The following BCL3 variants were observed in gnomAD, a reference collection of about 807,000 sequenced individuals.
BCL3 encodes the protein B-cell lymphoma 3 protein.
In BCL3, 15 loss-of-function variants were observed where a neutral mutation model predicts 35.7. The observed-to-expected ratio is 0.42, with a 90% CI of 0.28 to 0.65. BCL3 has a LOEUF of 0.65. Among genes scored for constraint, BCL3 ranks in the 30% least tolerant of loss-of-function variants. The pLI, the probability that BCL3 is intolerant of heterozygous loss-of-function variation, is 0.22. For synonymous variants in BCL3, 311 were observed against 284.3 expected (o/e 1.09, Z -0.95); for missense variants, 565 against 641.7 (o/e 0.88, Z 1.29).
chr19:44,759,928 A>T lies in BCL3; in HGVS notation c.*313A>T. 1 of 329,230 alleles carries T rather than the reference A, an allele frequency of 3.0e-6. No individual in the cohort carries two copies. Among genetic ancestry groups the T allele is most frequent in the Non-Finnish European group, 5.5e-6 (1 of 182,024 alleles). The allele number at this position is 329,230 out of a possible 1,614,324, so 20.4% of individuals were successfully genotyped here. A position where few individuals can be genotyped will look rare whatever the true frequency, so the allele number is the denominator to read the frequency against. Reference sequence around the variant, plus strand: ...ACCCAGGGAACAGCCACTCCCCTCCACTCTCTACCAGATAACTGAGGAGGG... The same window carrying T: ...ACCCAGGGAACAGCCACTCCCCTCCTCTCTCTACCAGATAACTGAGGAGGG... On this transcript the variant is annotated 3_prime_UTR_variant, in exon 9 of 9. Transcript: ENST00000164227.
intron 8 of BCL3, among the ~76,000 whole-genome samples, 188 bp downstream of exon 8, chr19:44,759,029 C>T (rs1406320289): frequency 3.1e-5 from 4 of 128,426 alleles, no homozygotes; most frequent in Admixed American, 7.5e-5. Flanking sequence ...GACCCCAGCC[C>T]CTCCTCCTTC....
chr19:44,749,927 C>G (rs1462906500), intron 1 of BCL3, among the ~76,000 whole-genome samples: 1 of 152,132 alleles, frequency 6.6e-6, no homozygotes, highest in Non-Finnish European at 1.5e-5. Context: ...CTTGGGAGTT[C>G]AAGAACAGAG....
intron 2 of BCL3, 36 bp from the exon 3 acceptor site, chr19:44,756,196 C>G: frequency 7.2e-7 from 1 of 1,383,602 alleles, no homozygotes; most frequent in South Asian, 1.7e-5. Context: ...TGAACAACCC[C>G]TAATGCCTGT....
In BCL3 at chr19:44,758,829, C is replaced by T; in HGVS notation, c.1165C>T (p.Leu389Phe). The T allele has an allele frequency of 6.3e-7, 1 of 1,598,980 alleles. No individual in the cohort carries two copies. Among genetic ancestry groups the T allele is most frequent in the Admixed American group, 1.7e-5 (1 of 57,474 alleles). The change falls in exon 8 of 9, where the codon CTC (leucine) becomes TTC (phenylalanine). Residue 389 changes from leucine to phenylalanine, a missense_variant. Coordinates refer to ENST00000164227, the MANE Select transcript of BCL3 (RefSeq NM_005178.5). ...ANTSPESSSR[L>F]SSNGLLSASP... is the part of the protein sequence containing the mutation. ...CACCTCCCCCGAGAGCAGCAGCCGC[C>T]TCAGCTCCAATGGTGAGAAACCGTT...
chr19:44,758,410 C>T lies in BCL3; in HGVS notation c.1056C>T (p.Arg352=), dbSNP rs760204437. ...CGCCGCTCATGGTGGCGCGCAGCCGCAGGGTGAGCCGGGGCAGCTGTGGAC... is the reference window on the plus strand; with the variant it reads ...CGCCGCTCATGGTGGCGCGCAGCCGTAGGGTGAGCCGGGGCAGCTGTGGAC... ...NDTPLMVARS[R]RVIDILRGKA... Residue 352 remains arginine (R), a synonymous_variant, in exon 7 of 9, where the codon CGC becomes CGT. Coordinates refer to ENST00000164227, the MANE Select transcript of BCL3 (RefSeq NM_005178.5). The T allele has an allele frequency of 1.3e-6, 2 of 1,543,046 alleles. No homozygotes were observed. The highest frequency in any genetic ancestry group is 2.7e-5 in the African/African-American group (2 of 72,876).
At chr19:44,748,592 C>A, upstream of BCL3, 2 of 514,216 alleles carry the variant, frequency 3.9e-6, no homozygotes, top group Non-Finnish European at 5.1e-6. Flanking sequence ...GCGGGAGCAG[C>A]GGCGGGTCCA....
rs1164033963 is a variant in BCL3 at position 44,757,392 on chromosome 19, C to G, written c.790C>G (p.Arg264Gly). ...CQETVQLLLERGADIDAVDIK... is the reference protein window; with the variant it reads ...CQETVQLLLEGGADIDAVDIK... ...AGAAACCGTGCAGCTCTTGCTAGAG[C>G]GCGGTGCCGACATCGACGCAGTGGT... The change falls in exon 5 of 9, where the codon CGC (arginine) becomes GGC (glycine). Residue 264 changes from arginine to glycine, a missense_variant. Physicochemically the swap from Arg to Gly is moderately radical, Grantham distance 125 (BLOSUM62 -2). Transcript: ENST00000164227. This position sits in a 1 kb window ranked among gnomAD's most constrained non-coding sequence, Gnocchi z 8.4. 6 of 1,600,226 alleles carry G rather than the reference C, an allele frequency of 3.7e-6. No individual in the cohort carries two copies. Among genetic ancestry groups the G allele is most frequent in the Non-Finnish European group, 4.3e-6 (5 of 1,173,518 alleles).
At position 44,749,045 on chromosome 19, in the gene BCL3, C is replaced by T; in HGVS notation, c.255C>T (p.Pro85=). 2 of 1,335,784 alleles carry T rather than the reference C, an allele frequency of 1.5e-6. No homozygotes were observed. Among genetic ancestry groups the T allele is most frequent in the South Asian group, 1.8e-5 (1 of 55,862 alleles). 82.7% of individuals were successfully genotyped at this position (1,335,784 alleles called of 1,614,324 possible). ...GLARPEALYY[P]GALLPLYPTR... ...CCCGGCCGGAGGCGCTTTACTACCC[C>T]GGTGAGTGGCCCCCGAGGGTCCGGG... is the stretch of plus-strand genomic sequence containing the variant. Residue 85 remains proline (P), a splice_region_variant and synonymous_variant, in exon 1 of 9, where the codon CCC becomes CCT. Transcript: ENST00000164227.
At chr19:44,750,565 T>C (rs1447666179) in intron 1 of BCL3, among the ~76,000 whole-genome samples, 1 of 152,124 alleles carries the variant, frequency 6.6e-6, no homozygotes, top group African/African-American at 2.4e-5. Context: ...TCCCAAAGTA[T>C]TGGTATTAGA....
Position 44,759,555 on chromosome 19 carries a change from T to G in BCL3, c.1305T>G (p.Ala435=). 6.2e-7 allele frequency: 1 copy of G among 1,612,548 alleles called. No individual in the cohort carries two copies. The highest frequency in any genetic ancestry group is 1.7e-4 in the Middle Eastern group (1 of 6,058). The change falls in exon 9 of 9, where the codon GCT becomes GCG. Residue 435 remains alanine (A), a synonymous_variant. Transcript: ENST00000164227. ...SPSPPAFLPF[A]GVLRGPGRPV... is the part of the protein sequence containing the mutation. The stretch of plus-strand genomic sequence containing the variant: ...CTCCACCCGCCTTCCTGCCCTTTGC[T>G]GGGGTCCTCCGAGGCCCTGGCCGGC...
Position 44,756,347 on chromosome 19 carries a change from C to A in BCL3, c.519+7C>A. The A allele has an allele frequency of 2.0e-6, 3 of 1,478,058 alleles. No individual in the cohort carries two copies. Among genetic ancestry groups the A allele is most frequent in the Non-Finnish European group, 9.0e-7 (1 of 1,105,292 alleles). The allele number at this position is 1,478,058 out of a possible 1,614,324, so 91.6% of individuals were successfully genotyped here. A position where few individuals can be genotyped will look rare whatever the true frequency, so the allele number is the denominator to read the frequency against. On this transcript the variant is annotated splice_region_variant and intron_variant, in intron 3 of 8. Transcript: ENST00000164227. ...CTACAACAACCTACGGCAGGTGAGG[C>A]TCGGTCTGAGGGAGGAGGGCTGGGG...
upstream of BCL3, chr19:44,748,635 G>C: frequency 1.1e-6 from 1 of 950,524 alleles, no homozygotes; most frequent in Non-Finnish European, 1.3e-6. Context: ...TGGCCCCGGG[G>C]GGGCCGGGGG....
chr19:44,759,668 T>G lies in BCL3; in HGVS notation c.*53T>G. On this transcript the variant is annotated 3_prime_UTR_variant, in exon 9 of 9. Transcript: ENST00000164227. ...CATGAGGAGGGGCCCCCCTGCCCTG[T>G]GGGGTCAACCCTTCTGGAAACTGTG... The G allele has an allele frequency of 7.4e-7, 1 of 1,348,648 alleles. No individual in the cohort carries two copies. The highest frequency in any genetic ancestry group is 1.0e-6 in the Non-Finnish European group (1 of 996,704). The allele number at this position is 1,348,648 out of a possible 1,614,324, so 83.5% of individuals were successfully genotyped here. A position where few individuals can be genotyped will look rare whatever the true frequency, so the allele number is the denominator to read the frequency against.
rs757076905 is a variant in BCL3 at position 44,757,178 on chromosome 19, C to T, written c.681C>T (p.Ser227=). 6.3e-7 allele frequency: 1 copy of T among 1,575,508 alleles called. No individual in the cohort carries two copies. Residue 227 remains serine (S), a synonymous_variant, in exon 4 of 9, where the codon AGC becomes AGT. Coordinates refer to ENST00000164227, the MANE Select transcript of BCL3 (RefSeq NM_005178.5). This position sits in a 1 kb window ranked among gnomAD's most constrained non-coding sequence, Gnocchi z 8.4. ...SPTCLRALLD[S]AAPGTLDLEA... ...CCTGCCTGCGAGCCCTGCTGGACAG[C>T]GCAGCTCCGGGCACGTTGGACCTGG...
chr19:44,749,759 G>A (rs898382820), intron 1 of BCL3, among the ~76,000 whole-genome samples: 5 of 152,136 alleles, frequency 3.3e-5, no homozygotes, highest in Admixed American at 6.5e-5. Flanking sequence ...TTGAGGTCAA[G>A]ATCAGGTGGG....
In BCL3 at chr19:44,759,893, G is replaced by C. The variant is rs116476053; in HGVS notation, c.*278G>C. The C allele has an allele frequency of 2.6e-6, 1 of 384,606 alleles. No individual in the cohort carries two copies. Among genetic ancestry groups the C allele is most frequent in the Non-Finnish European group, 4.6e-6 (1 of 216,640 alleles). The allele number at this position is 384,606 out of a possible 1,614,324, so 23.8% of individuals were successfully genotyped here. Reference sequence around the variant, plus strand: ...TCTTCCATTTCCATGTCCCCTCCCAGAGCTGGTGGACCCAGGGAACAGCCA... The same window carrying C: ...TCTTCCATTTCCATGTCCCCTCCCACAGCTGGTGGACCCAGGGAACAGCCA... On this transcript the variant is annotated 3_prime_UTR_variant, in exon 9 of 9. Transcript: ENST00000164227.
chr19:44,749,175 C>A, intron 1 of BCL3, 129 bp downstream of exon 1: 1 of 380,970 alleles, frequency 2.6e-6, no homozygotes, highest in Non-Finnish European at 4.3e-6. Flanking sequence ...AGGATATAAG[C>A]CCAGGTTCCA....
upstream of BCL3, chr19:44,747,744 C>G: frequency 1.0e-6 from 1 of 959,662 alleles, no homozygotes; most frequent in Non-Finnish European, 1.3e-6. Context: ...CTCGGTCGCG[C>G]TGACTCTGGC....
upstream of BCL3, chr19:44,747,804 C>T: frequency 9.2e-7 from 1 of 1,091,854 alleles, no homozygotes; most frequent in South Asian, 2.9e-5. Flanking sequence ...ATCTCTGCGC[C>T]TGTCTCCATG....
Sources: gnomAD v4.1 joint callset for allele counts (sites outside exome capture counted in the v4.1 genomes callset) on GRCh38, gnomAD v4.1.1 for gene constraint, Gnocchi (gnomAD v3.1) non-coding constraint, MANE v1.5 for transcripts, NCBI Gene and HGNC (gene_info 2026-07-23, HGNC 2026-07-21) for gene names.